SOS2: variants seen among roughly 807,000 people sequenced by gnomAD.
The protein encoded by SOS2 is son of sevenless homolog 2.
In SOS2, 65 loss-of-function variants were observed where a neutral mutation model predicts 148.2. The ratio of observed to expected loss-of-function variants is 0.44; its 90% CI spans 0.36 to 0.54. The LOEUF (loss-of-function observed/expected upper bound fraction) is 0.54. Among genes scored for constraint, SOS2 ranks in the 20% least tolerant of loss-of-function variants. SOS2 has a pLI of 0.00. For missense variants in SOS2, 1,341 were observed against 1,590.2 expected, an observed-to-expected ratio of 0.84 and a Z score of 2.67; for synonymous variants, 539 against 537.1, an observed-to-expected ratio of 1.00 and a Z score of -0.05.
chr14:50,159,908 T>G lies in SOS2; in HGVS notation c.1375A>C (p.Ile459Leu). The G allele has an allele frequency of 6.2e-7, 1 of 1,614,110 alleles. No homozygotes were observed. Among genetic ancestry groups the G allele is most frequent in the Non-Finnish European group, 8.5e-7 (1 of 1,180,018 alleles). The change falls in exon 10 of 23, where the codon ATT becomes CTT. Residue 459 changes from isoleucine (I) to leucine (L), a missense_variant. Around this residue, in one of 4 missense-constraint regions of SOS2, gnomAD observed 574 missense variants for 711.1 expected, o/e 0.81. Transcript: ENST00000216373. ...ATCATTAAGCCATCAAACAGAAAAA[T>G]ATGCCGTTCATGTTTGGCACCGATT... Reference protein sequence around the residue: ...TRIGAKHERHIFLFDGLMISC... With the variant: ...TRIGAKHERHLFLFDGLMISC...
At chr14:50,211,330 G>A (rs916740707) in intron 1 of SOS2, among the ~76,000 whole-genome samples, 11 of 151,894 alleles carry the variant, frequency 7.2e-5, no homozygotes, top group Non-Finnish European at 1.5e-4. Context: ...GATAATTTTC[G>A]TTTTTAACTT....
At chr14:50,178,721 T>TTC (rs1885623052) in intron 7 of SOS2, among the ~76,000 whole-genome samples, 1 of 133,276 alleles carries the variant, frequency 7.5e-6, no homozygotes, top group African/African-American at 2.9e-5. Flanking sequence ...TACACACATA[T>TTC]ACACACACAT....
In SOS2 at chr14:50,231,323, G is replaced by A. The variant is rs1258305203; in HGVS notation, c.-40C>T. The A allele has an allele frequency of 5.1e-6, 6 of 1,182,248 alleles. No homozygotes were observed. Among genetic ancestry groups the A allele is most frequent in the Non-Finnish European group, 3.3e-6 (3 of 905,420 alleles). 73.2% of individuals were successfully genotyped at this position (1,182,248 alleles called of 1,614,324 possible). ...CGCCTCCGCATCGGGGGCAGCCCGCGGGCCGGGCCGGTGGCCTGACAGGCA... is the reference window on the plus strand; with the variant it reads ...CGCCTCCGCATCGGGGGCAGCCCGCAGGCCGGGCCGGTGGCCTGACAGGCA... On this transcript the variant is annotated 5_prime_UTR_variant, in exon 1 of 23. Coordinates refer to ENST00000216373, the MANE Select transcript of SOS2 (RefSeq NM_006939.4).
rs762406703 is a variant in SOS2, at chr14:50,161,523, C to T, written c.1155G>A (p.Met385Ile). Residue 385 changes from methionine (M) to isoleucine (I), a missense_variant, in exon 9 of 23, where the codon ATG becomes ATA. Around this residue, in one of 4 missense-constraint regions of SOS2, gnomAD observed 574 missense variants for 711.1 expected, o/e 0.81. Coordinates refer to ENST00000216373, the MANE Select transcript of SOS2 (RefSeq NM_006939.4). ...GTGAATACTGCTTGTAAATTCGGTC[C>T]ATGCTACCTTGGAGATTCATGAGAG... is the stretch of plus-strand genomic sequence containing the variant. The part of the protein sequence containing the change: ...ITALMNLQGS[M>I]DRIYKQYSPR... The T allele has an allele frequency of 6.2e-7, 1 of 1,613,292 alleles. No homozygotes were observed. The highest frequency in any genetic ancestry group is 1.7e-5 in the Admixed American group (1 of 59,960).
intron 4 of SOS2, among the ~76,000 whole-genome samples, chr14:50,191,372 G>C (rs1257319991): frequency 6.6e-6 from 1 of 152,160 alleles, no homozygotes; most frequent in Non-Finnish European, 1.5e-5. Flanking sequence ...TGAAGGCTGA[G>C]GTGGGAGAAT....
intron 12 of SOS2, 34 bp from the exon 13 acceptor site, chr14:50,153,207 A>T (rs752367914): frequency 7.9e-7 from 1 of 1,260,904 alleles, no homozygotes; most frequent in Non-Finnish European, 1.2e-6. Context: ...TTTTAGTGAA[A>T]CATAAGTGTT....
Position 50,118,144 on chromosome 14 carries a change from T to C in SOS2, c.*200A>G. ...GCACTGAGGATCCAAGACAAGGCAATGCTACTGATCACCTGAGGATAATGG... is the reference window on the plus strand; with the variant it reads ...GCACTGAGGATCCAAGACAAGGCAACGCTACTGATCACCTGAGGATAATGG... On this transcript the variant is annotated 3_prime_UTR_variant, in exon 23 of 23. Coordinates refer to ENST00000216373, the MANE Select transcript of SOS2 (RefSeq NM_006939.4). 3.6e-6 allele frequency: 2 copies of C among 550,342 alleles called. No individual in the cohort carries two copies. Among genetic ancestry groups the C allele is most frequent in the Non-Finnish European group, 6.3e-6 (2 of 315,284 alleles). The allele number at this position is 550,342 out of a possible 1,614,324, so 34.1% of individuals were successfully genotyped here.
At chr14:50,197,477 C>T (rs1237601411) in intron 4 of SOS2, among the ~76,000 whole-genome samples, 2 of 152,104 alleles carry the variant, frequency 1.3e-5, no homozygotes, top group African/African-American at 4.8e-5. Flanking sequence ...AAGACCATTA[C>T]CTGATTCTAA....
intron 16 of SOS2, among the ~76,000 whole-genome samples, chr14:50,140,933 A>G (rs8022408): frequency 0.9 from 136,018 of 151,922 alleles, 61,063 homozygotes; most frequent in African/African-American, 0.95. Flanking sequence ...GGCCAGGTGC[A>G]GTGGCTCACG....
chr14:50,121,694 T>A (rs1332918959), intron 21 of SOS2, among the ~76,000 whole-genome samples: 1 of 151,686 alleles, frequency 6.6e-6, no homozygotes, highest in Non-Finnish European at 1.5e-5. Context: ...AATTATTCTA[T>A]GTCAAAAATT....
At chr14:50,218,547 C>CA (rs1887107335) in intron 1 of SOS2, among the ~76,000 whole-genome samples, 1 of 151,236 alleles carries the variant, frequency 6.6e-6, no homozygotes, top group Admixed American at 6.6e-5. Flanking sequence ...AAAACAAAAA[C>CA]AAAAAAACAA....
chr14:50,123,016 T>A (rs1883569887), intron 21 of SOS2, among the ~76,000 whole-genome samples: 1 of 152,016 alleles, frequency 6.6e-6, no homozygotes. Context: ...TAGGGAAAGA[T>A]AAGTAAAAGT....
intron 8 of SOS2, among the ~76,000 whole-genome samples, chr14:50,173,217 G>A (rs1312092742): frequency 2.6e-5 from 4 of 151,984 alleles, no homozygotes; most frequent in Admixed American, 1.3e-4. Context: ...ATACCACATC[G>A]TTGGTTTAGA....
intron 8 of SOS2, among the ~76,000 whole-genome samples, chr14:50,163,233 T>C (rs1885068931): frequency 6.6e-6 from 1 of 151,430 alleles, no homozygotes; most frequent in Admixed American, 6.6e-5. Flanking sequence ...TATGGGGAAT[T>C]ATGATCACTT....
chr14:50,219,181 T>C (rs1261269899), intron 1 of SOS2, among the ~76,000 whole-genome samples: 2 of 152,176 alleles, frequency 1.3e-5, no homozygotes, highest in African/African-American at 2.4e-5. Context: ...ACCAGCAATT[T>C]CCATTCTTTG....
intron 21 of SOS2, among the ~76,000 whole-genome samples, chr14:50,129,639 C>A (rs1204887017): frequency 6.6e-6 from 1 of 152,234 alleles, no homozygotes; most frequent in African/African-American, 2.4e-5. Context: ...CCTGCCTTGG[C>A]CTCCCAAAGT....
In SOS2 at chr14:50,231,451, C is replaced by G. The variant is rs1490082756; in HGVS notation, c.-168G>C. 1 of 152,054 alleles carries G rather than the reference C, an allele frequency of 6.6e-6. No homozygotes were observed. The highest frequency in any genetic ancestry group is 2.4e-5 in the African/African-American group (1 of 41,280). The allele number at this position is 152,054 out of a possible 1,614,324, so 9.4% of individuals were successfully genotyped here. A position where few individuals can be genotyped will look rare whatever the true frequency, so the allele number is the denominator to read the frequency against. ...CGGCGCCGGCGGGCTGGCGGAGACC[C>G]CGGGGTCGGCTTCCTCCGCCGAGGC... On this transcript the variant is annotated 5_prime_UTR_variant, in exon 1 of 23. Coordinates refer to ENST00000216373, the MANE Select transcript of SOS2 (RefSeq NM_006939.4).
chr14:50,157,959 G>A (rs558419005), intron 11 of SOS2, among the ~76,000 whole-genome samples: 1 of 152,132 alleles, frequency 6.6e-6, no homozygotes, highest in East Asian at 1.9e-4. Context: ...AATGATATCT[G>A]ATTATTAAAA....
intron 7 of SOS2, among the ~76,000 whole-genome samples, chr14:50,177,768 T>C (rs1428942243): frequency 6.6e-6 from 1 of 152,060 alleles, no homozygotes; most frequent in Admixed American, 6.6e-5. Flanking sequence ...TAATAAACAA[T>C]GGGAATTTAT....
Sources: allele counts gnomAD v4.1 joint callset (sites outside exome capture counted in the v4.1 genomes callset), GRCh38; gene constraint gnomAD v4.1.1; regional missense constraint gnomAD v4.1.1; transcripts MANE v1.5; gene names NCBI Gene and HGNC (gene_info 2026-07-23, HGNC 2026-07-21).